FRMD4A: variants seen among roughly 807,000 people sequenced by gnomAD.
The protein encoded by FRMD4A is FERM domain-containing protein 4A.
A neutral mutation model predicts 129.1 loss-of-function variants in FRMD4A; 29 were observed. The observed-to-expected ratio is 0.22, with a 90% CI of 0.17 to 0.31. The LOEUF (loss-of-function observed/expected upper bound fraction) is 0.31, where lower values mean the gene tolerates loss of function less well. FRMD4A is among the 10% of genes least tolerant of loss of function. The pLI, the probability that FRMD4A is intolerant of heterozygous loss-of-function variation, is 1.00. For missense variants in FRMD4A, 1,272 were observed against 1,375.8 expected, an observed-to-expected ratio of 0.92 and a Z score of 1.19; for synonymous variants, 634 against 571.6, an observed-to-expected ratio of 1.11 and a Z score of -1.56.
intron 2 of FRMD4A, among the ~76,000 whole-genome samples, chr10:13,922,773 CT>C (rs2095087968): frequency 6.6e-6 from 1 of 151,924 alleles, no homozygotes; most frequent in South Asian, 2.1e-4. Flanking sequence ...ATTTTTTTTT[CT>C]CTCTCTAGGA....
chr10:13,695,148 ATT>A (rs34942226), intron 14 of FRMD4A, among the ~76,000 whole-genome samples: 6 of 147,396 alleles, frequency 4.1e-5, no homozygotes, highest in East Asian at 2.0e-4. Context: ...TCAAAAAAAA[ATT>A]TTTTTTTTTT....
intron 2 of FRMD4A, among the ~76,000 whole-genome samples, chr10:14,140,176 C>T (rs1839762909): frequency 6.6e-6 from 1 of 152,130 alleles, no homozygotes. Context: ...ATTCTCCCAC[C>T]TCAGCCTCCT....
intron 2 of FRMD4A, among the ~76,000 whole-genome samples, chr10:14,298,010 C>T (rs1364141483): frequency 1.3e-5 from 2 of 152,168 alleles, no homozygotes; most frequent in Non-Finnish European, 2.9e-5. Flanking sequence ...ACCAGCATGA[C>T]CTGAGGGCCA....
intron 2 of FRMD4A, among the ~76,000 whole-genome samples, chr10:14,039,936 T>G (rs1193829961): frequency 6.6e-6 from 1 of 152,236 alleles, no homozygotes; most frequent in African/African-American, 2.4e-5. Context: ...CATATATGTA[T>G]GTATGTGAGT....
At chr10:13,666,059 CGTGGGAGTGGG>C (rs2083008750) in intron 18 of FRMD4A, 27 bp downstream of exon 18, 1 of 1,290,500 alleles carries the variant, frequency 7.7e-7, no homozygotes, top group African/African-American at 1.5e-5. Context: ...GGGGCCCGGG[CGTGGGAGTGGG>C]GTGGGGGCAG....
intron 2 of FRMD4A, among the ~76,000 whole-genome samples, chr10:14,000,668 A>AAAAG (rs1555009702): frequency 1.3e-5 from 1 of 74,514 alleles, no homozygotes. Flanking sequence ...AAAAAAAAAA[A>AAAAG]GAGAAGAAAG....
At chr10:13,682,178 T>C (rs926110928) in intron 15 of FRMD4A, among the ~76,000 whole-genome samples, 1 of 152,092 alleles carries the variant, frequency 6.6e-6, no homozygotes, top group Admixed American at 6.5e-5. Context: ...GAGCTGTGAT[T>C]GCGCCACTGC....
chr10:13,976,196 G>A (rs573833153), intron 2 of FRMD4A, among the ~76,000 whole-genome samples: 1 of 152,302 alleles, frequency 6.6e-6, no homozygotes, highest in Non-Finnish European at 1.5e-5. Context: ...GAGTTGCTGA[G>A]TGTTTGTCTA....
chr10:13,715,144 CTTGA>C (rs758232941), intron 12 of FRMD4A, among the ~76,000 whole-genome samples: 7 of 152,218 alleles, frequency 4.6e-5, no homozygotes, highest in Admixed American at 1.3e-4. Flanking sequence ...CTTGTTTACT[CTTGA>C]TTGTTTTGGT....
At chr10:13,835,313 G>C (rs778347257) in intron 3 of FRMD4A, among the ~76,000 whole-genome samples, 2 of 152,058 alleles carry the variant, frequency 1.3e-5, no homozygotes, top group Non-Finnish European at 2.9e-5. Context: ...AACTTACAAG[G>C]GTAATGGTTG....
At chr10:13,696,192 T>G (rs2134844218) in intron 14 of FRMD4A, among the ~76,000 whole-genome samples, 1 of 152,352 alleles carries the variant, frequency 6.6e-6, no homozygotes, top group African/African-American at 2.4e-5. Flanking sequence ...GATTTTGGCT[T>G]GCCGCAGAAG....
In FRMD4A at chr10:14,075,328, CAT is replaced by C. The variant is rs529880889; in HGVS notation, c.46-216418_46-216417del. Among the ~76,000 whole-genome samples, 150 of 152,298 alleles carry C rather than the reference CAT, an allele frequency of 9.8e-4. 1 individual carries two copies. Among genetic ancestry groups the C allele is most frequent in the Admixed American group, 4.5e-3 (69 of 15,304 alleles). ...TCTTAACACCTAATGGATCCAGACA[CAT>C]GTTAAATGCTTGACCTCCACAACCA... On this transcript the variant is annotated intron_variant, in intron 2 of 24. Coordinates refer to ENST00000357447, the MANE Select transcript of FRMD4A (RefSeq NM_018027.5).
At chr10:14,228,234 T>C (rs1843514417) in intron 2 of FRMD4A, among the ~76,000 whole-genome samples, 1 of 152,200 alleles carries the variant, frequency 6.6e-6, no homozygotes, top group Non-Finnish European at 1.5e-5. Flanking sequence ...TCTGTCATTA[T>C]TCTTGTTGCA....
At chr10:13,764,203 G>GTGTA (rs1448854008) in intron 6 of FRMD4A, among the ~76,000 whole-genome samples, 1 of 151,706 alleles carries the variant, frequency 6.6e-6, no homozygotes, top group Non-Finnish European at 1.5e-5. Context: ...GTGTGTGTGT[G>GTGTA]TGTGTGTGTG....
chr10:14,064,007 A>C (rs1452070966), intron 2 of FRMD4A, among the ~76,000 whole-genome samples: 1 of 152,206 alleles, frequency 6.6e-6, no homozygotes. Context: ...CAGGGATTTG[A>C]AAAATCAAGT....
intron 5 of FRMD4A, among the ~76,000 whole-genome samples, chr10:13,784,344 A>C (rs1302989766): frequency 6.6e-6 from 1 of 152,176 alleles, no homozygotes; most frequent in Non-Finnish European, 1.5e-5. Context: ...TTCTCTACCT[A>C]AGAAGTCCAC....
intron 9 of FRMD4A, among the ~76,000 whole-genome samples, chr10:13,742,506 A>G (rs1333415248): frequency 1.3e-5 from 2 of 152,184 alleles, no homozygotes; most frequent in Non-Finnish European, 2.9e-5. Context: ...CGAGATCTCA[A>G]TAGAGGATCT....
At chr10:14,048,360 G>A (rs899852018) in intron 2 of FRMD4A, among the ~76,000 whole-genome samples, 1 of 152,184 alleles carries the variant, frequency 6.6e-6, no homozygotes, top group Non-Finnish European at 1.5e-5. Context: ...TTAATAGCAC[G>A]TCGTCTCATT....
chr10:13,977,358 T>C (rs544036979), intron 2 of FRMD4A, among the ~76,000 whole-genome samples: 2 of 152,358 alleles, frequency 1.3e-5, no homozygotes, highest in African/African-American at 2.4e-5. Context: ...AATTTCTTTC[T>C]TTCCATCCAC....
Sources: gnomAD v4.1 joint callset for allele counts (sites outside exome capture counted in the v4.1 genomes callset) on GRCh38, gnomAD v4.1.1 for gene constraint, MANE v1.5 for transcripts, NCBI Gene and HGNC (gene_info 2026-07-23, HGNC 2026-07-21) for gene names.